CELF2: variants seen among roughly 807,000 people sequenced by gnomAD.
The protein encoded by CELF2 is CUG triplet repeat RNA-binding protein 2.
CELF2 carries 8 observed loss-of-function variants against 62.6 expected under a neutral mutation model. The observed-to-expected ratio is 0.13, with a 90% confidence interval of 0.07 to 0.23. The LOEUF (loss-of-function observed/expected upper bound fraction) is 0.23, where lower values mean the gene tolerates loss of function less well. Among genes scored for constraint, CELF2 ranks in the 10% least tolerant of loss-of-function variants. CELF2 has a pLI of 1.00. For synonymous variants in CELF2, 258 were observed against 250.0 expected (o/e 1.03, Z -0.30); for missense variants, 333 against 671.0 (o/e 0.50, Z 5.56).
intron 1 of CELF2, among the ~76,000 whole-genome samples, chr10:10,860,831 C>T (rs1445086384): frequency 6.6e-6 from 1 of 152,224 alleles, no homozygotes; most frequent in Non-Finnish European, 1.5e-5. Flanking sequence ...CTTATATGTT[C>T]ATGGTCTGAT....
At chr10:10,678,662 T>C in the CELF2 span, among the ~76,000 whole-genome samples, 1 of 152,176 alleles carries the variant, frequency 6.6e-6, no homozygotes, top group Non-Finnish European at 1.5e-5. Context: ...AGATTGACTG[T>C]TGATAGGGTT....
rs2061418161 is a variant in CELF2, at chr10:11,039,138, C to T, written c.74+20975C>T. Reference sequence around the variant, plus strand: ...CGATAACAGCCGAGTCCTGTGTCAGCTCTCCTATTAGCGTGGAGGACACTG... The same window carrying T: ...CGATAACAGCCGAGTCCTGTGTCAGTTCTCCTATTAGCGTGGAGGACACTG... On this transcript the variant is annotated intron_variant, in intron 1 of 12. Coordinates refer to ENST00000633077, the MANE Select transcript of CELF2 (RefSeq NM_001326342.2). This position sits in a 1 kb window ranked among gnomAD's most constrained non-coding sequence, Gnocchi z 4.1. 6.6e-6 allele frequency among the ~76,000 whole-genome samples: 1 copy of T among 152,262 alleles called. No individual in the cohort carries two copies. Among genetic ancestry groups the T allele is most frequent in the South Asian group, 2.1e-4 (1 of 4,838 alleles).
chr10:11,036,661 A>G (rs1413154303), intron 1 of CELF2, among the ~76,000 whole-genome samples: 1 of 152,168 alleles, frequency 6.6e-6, no homozygotes, highest in African/African-American at 2.4e-5. Context: ...GCCTCCTCAG[A>G]CCAATCTCCT....
chr10:10,956,604 G>C (rs973246350), intron 2 of CELF2, among the ~76,000 whole-genome samples: 6 of 152,120 alleles, frequency 3.9e-5, no homozygotes, highest in African/African-American at 1.2e-4. Context: ...AGGTGATTCA[G>C]GGAACTGCCA....
rs1015840682 is a variant in CELF2 at position 11,075,017 on chromosome 10, A to G, written c.74+56854A>G. The G allele has an allele frequency of 3.3e-5, 5 of 152,238 alleles. No individual in the cohort carries two copies. The East Asian group carries it at 7.7e-4, about 24-fold the overall frequency. 9.4% of individuals were successfully genotyped at this position (152,238 alleles called of 1,614,324 possible). ...GGTTCCCAGTTGGGCTGCAAGAACA[A>G]CCTCTTTGACTCAGAATGGAATTGA... On this transcript the variant is annotated intron_variant, in intron 1 of 12. Transcript: ENST00000633077. The surrounding 1 kb of genome is among the most constrained non-coding windows in gnomAD (Gnocchi z 5.4).
intron 2 of CELF2, chr10:10,952,000 C>T (rs1266753466): frequency 6.6e-6 from 1 of 152,320 alleles, no homozygotes; most frequent in East Asian, 1.9e-4. Flanking sequence ...CACAGAACAC[C>T]TTGGACTCTA....
chr10:11,050,218 G>T (rs1050366551), intron 1 of CELF2, among the ~76,000 whole-genome samples: 13 of 152,200 alleles, frequency 8.5e-5, no homozygotes, highest in African/African-American at 3.1e-4. Flanking sequence ...AACAGTATTT[G>T]TGTCCCGAAC....
chr10:10,749,253 T>A, the CELF2 span, among the ~76,000 whole-genome samples: 1 of 152,226 alleles, frequency 6.6e-6, no homozygotes, highest in African/African-American at 2.4e-5. Context: ...ATATTTGGGC[T>A]GGATATAAAA....
intron 2 of CELF2, among the ~76,000 whole-genome samples, chr10:10,926,714 G>T (rs1592016948): frequency 6.6e-6 from 1 of 152,148 alleles, no homozygotes; most frequent in Admixed American, 6.5e-5. Context: ...TTGGGTTTCT[G>T]GTATTCTCAG....
At chr10:10,869,514 A>T (rs2060598897) in intron 1 of CELF2, among the ~76,000 whole-genome samples, 1 of 152,038 alleles carries the variant, frequency 6.6e-6, no homozygotes, top group Non-Finnish European at 1.5e-5. Context: ...GTGAACCAAG[A>T]TCACCACCCC....
intron 1 of CELF2, among the ~76,000 whole-genome samples, chr10:10,897,061 C>T (rs892840976): frequency 3.9e-5 from 6 of 152,042 alleles, no homozygotes; most frequent in African/African-American, 1.5e-4. Flanking sequence ...GGCACCATGA[C>T]AGAAAAAAGC....
At chr10:10,621,488 T>A in the CELF2 span, among the ~76,000 whole-genome samples, 2 of 152,160 alleles carry the variant, frequency 1.3e-5, no homozygotes, top group Non-Finnish European at 2.9e-5. Context: ...GAGACAATCA[T>A]GAGAGCCTCA....
At chr10:11,182,193 G>A (rs2073639258) in intron 2 of CELF2, among the ~76,000 whole-genome samples, 1 of 152,226 alleles carries the variant, frequency 6.6e-6, no homozygotes, top group Non-Finnish European at 1.5e-5. Flanking sequence ...GCTCCAGTGT[G>A]AAGAACCACA....
intron 3 of CELF2, among the ~76,000 whole-genome samples, chr10:11,233,660 C>T (rs2069778694): frequency 6.6e-6 from 1 of 152,202 alleles, no homozygotes; most frequent in Non-Finnish European, 1.5e-5. Flanking sequence ...AAGCCAAACG[C>T]AAGAAATGGT....
At chr10:11,031,598 G>A (rs1430385589) in intron 1 of CELF2, among the ~76,000 whole-genome samples, 3 of 152,156 alleles carry the variant, frequency 2.0e-5, no homozygotes, top group Admixed American at 6.5e-5. Flanking sequence ...GGACACAAGC[G>A]CCATAACCTA....
intron 1 of CELF2, among the ~76,000 whole-genome samples, chr10:11,120,815 T>C (rs931241318): frequency 6.6e-6 from 1 of 152,152 alleles, no homozygotes; most frequent in African/African-American, 2.4e-5. Flanking sequence ...AAAAGGACCA[T>C]AGTGAGACTT....
chr10:10,796,206 C>A (rs1027677373), upstream of CELF2, among the ~76,000 whole-genome samples: 1 of 152,128 alleles, frequency 6.6e-6, no homozygotes, highest in African/African-American at 2.4e-5. Context: ...TTCTCCACAC[C>A]CAAATGTCTT....
chr10:11,275,202 AG>A, intron 8 of CELF2, 82 bp downstream of exon 8: 1 of 1,334,028 alleles, frequency 7.5e-7, no homozygotes, highest in Non-Finnish European at 1.1e-6. Context: ...GACAAGAAGC[AG>A]GGGAAGAGAA....
chr10:10,895,909 C>T (rs1010215409), intron 1 of CELF2, among the ~76,000 whole-genome samples: 1 of 152,036 alleles, frequency 6.6e-6, no homozygotes, highest in Non-Finnish European at 1.5e-5. Flanking sequence ...CAGGCCATGG[C>T]TTGAGGTATT....
Sources: gnomAD v4.1 joint callset for allele counts (sites outside exome capture counted in the v4.1 genomes callset) on GRCh38, gnomAD v4.1.1 for gene constraint, Gnocchi (gnomAD v3.1) non-coding constraint, MANE v1.5 for transcripts, NCBI Gene and HGNC (gene_info 2026-07-23, HGNC 2026-07-21) for gene names.